SLC24A3: variants seen among roughly 807,000 people sequenced by gnomAD.
SLC24A3 encodes sodium/potassium/calcium exchanger 3.
In SLC24A3, 28 loss-of-function variants were observed where a neutral mutation model predicts 75.8. The ratio of observed to expected loss-of-function variants is 0.37; its 90% confidence interval spans 0.27 to 0.51. The LOEUF is 0.51. Among genes scored for constraint, SLC24A3 ranks in the 20% least tolerant of loss-of-function variants. SLC24A3 has a pLI of 0.94. For synonymous variants in SLC24A3, 372 were observed against 334.1 expected, an observed-to-expected ratio of 1.11 and a Z score of -1.24; for missense variants, 663 against 847.8, an observed-to-expected ratio of 0.78 and a Z score of 2.71.
Position 19,426,181 on chromosome 20 carries a change from A to G in SLC24A3, c.272-89307A>G, listed in dbSNP as rs573811287. 5.9e-5 allele frequency among the ~76,000 whole-genome samples: 9 copies of G among 152,268 alleles called. No homozygotes were observed. In the East Asian group the frequency reaches 1.4e-3, roughly 23 times the overall value. On this transcript the variant is annotated intron_variant, in intron 2 of 16. Coordinates refer to ENST00000328041, the MANE Select transcript of SLC24A3 (RefSeq NM_020689.4). ...ATTCTTCCTCACTTCCTCCCATTCC[A>G]TATCCCTACATTGGTTCTCAAATAT... is the stretch of plus-strand genomic sequence containing the variant.
chr20:19,505,498 A>G (rs6112425), intron 2 of SLC24A3, among the ~76,000 whole-genome samples: 2,763 of 152,320 alleles, frequency 0.018, 71 homozygotes, highest in African/African-American at 0.063. Context: ...CCCAGAAACA[A>G]ACTCAAGTAC....
At chr20:19,633,228 C>A (rs2031955735) in intron 6 of SLC24A3, among the ~76,000 whole-genome samples, 1 of 152,208 alleles carries the variant, frequency 6.6e-6, no homozygotes, top group Admixed American at 6.5e-5. Context: ...GAAGTTCAAG[C>A]TCAATGTATT....
chr20:19,270,824 G>C (rs1486099037), intron 1 of SLC24A3, among the ~76,000 whole-genome samples: 1 of 152,050 alleles, frequency 6.6e-6, no homozygotes, highest in Non-Finnish European at 1.5e-5. Context: ...GAGAGAGAGA[G>C]ATACTAGAAG....
intron 2 of SLC24A3, among the ~76,000 whole-genome samples, chr20:19,417,887 G>C (rs1370307892): frequency 6.6e-6 from 1 of 152,146 alleles, no homozygotes; most frequent in Non-Finnish European, 1.5e-5. Context: ...ACCCAGAAAT[G>C]AAAGCCAGAC....
chr20:19,583,569 C>T (rs1367282007), intron 4 of SLC24A3, among the ~76,000 whole-genome samples: 2 of 152,078 alleles, frequency 1.3e-5, no homozygotes, highest in Admixed American at 6.5e-5. Context: ...TAAGAAGATA[C>T]AGAGGAAGAA....
At position 19,346,097 on chromosome 20, in the gene SLC24A3, A is replaced by G. The variant is rs1568595609; in HGVS notation, c.271+65010A>G. Among the ~76,000 whole-genome samples the G allele has an allele frequency of 1.6e-3, 116 of 72,242 alleles. 27 individuals carry two copies. The highest frequency in any genetic ancestry group is 0.012 in the African/African-American group (108 of 8,926). 47.4% of individuals were successfully genotyped at this position (72,242 alleles called of 152,430 possible). ...TATATATATATATATATATATATAT[A>G]TATATATATATGGTGTGTGTGTGTG... On this transcript the variant is annotated intron_variant, in intron 2 of 16. Coordinates refer to ENST00000328041, the MANE Select transcript of SLC24A3 (RefSeq NM_020689.4).
intron 15 of SLC24A3, among the ~76,000 whole-genome samples, chr20:19,704,575 A>T (rs2122155411): frequency 6.6e-6 from 1 of 152,260 alleles, no homozygotes; most frequent in East Asian, 1.9e-4. Context: ...ACTTCAGAGG[A>T]CATCTGCCTT....
chr20:19,550,522 A>G (rs16980823), intron 3 of SLC24A3, among the ~76,000 whole-genome samples: 21,366 of 152,178 alleles, frequency 0.14, 1,675 homozygotes, highest in African/African-American at 0.21. Flanking sequence ...ACTAAATCAC[A>G]ATTAGAGAAA....
rs574304788 is a variant in SLC24A3 at position 19,263,283 on chromosome 20, C to T, written c.143-17676C>T. Among the ~76,000 whole-genome samples the T allele has an allele frequency of 4.6e-5, 7 of 152,174 alleles. No individual in the cohort carries two copies. In the South Asian group the frequency reaches 1.2e-3, roughly 27 times the overall value. On this transcript the variant is annotated intron_variant, in intron 1 of 16. Coordinates refer to ENST00000328041, the MANE Select transcript of SLC24A3 (RefSeq NM_020689.4). ...CTGGAGAGAAGGAAGCAGAAAGCCACGCAAAGAGCAAACTGTGAAGAATGA... is the reference window on the plus strand; with the variant it reads ...CTGGAGAGAAGGAAGCAGAAAGCCATGCAAAGAGCAAACTGTGAAGAATGA...
chr20:19,523,231 G>A (rs949190612), intron 3 of SLC24A3, among the ~76,000 whole-genome samples: 1 of 152,156 alleles, frequency 6.6e-6, no homozygotes, highest in South Asian at 2.1e-4. Context: ...AAACCAGGGG[G>A]GTTTGAAATT....
chr20:19,335,653 C>G (rs1213932246), intron 2 of SLC24A3, among the ~76,000 whole-genome samples: 2 of 152,208 alleles, frequency 1.3e-5, no homozygotes, highest in Admixed American at 6.5e-5. Flanking sequence ...TTTCCAGATT[C>G]AGTGTATTGA....
intron 15 of SLC24A3, among the ~76,000 whole-genome samples, chr20:19,710,368 C>T (rs189040682): frequency 2.6e-4 from 39 of 152,326 alleles, no homozygotes; most frequent in African/African-American, 9.4e-4. Flanking sequence ...GTATCTGTGT[C>T]TGCATCCGTA....
intron 2 of SLC24A3, among the ~76,000 whole-genome samples, chr20:19,484,775 G>T (rs1988105459): frequency 6.6e-6 from 1 of 152,140 alleles, no homozygotes; most frequent in African/African-American, 2.4e-5. Context: ...CAAACAACAT[G>T]AATATACTTT....
chr20:19,306,945 C>T (rs1984348173), intron 2 of SLC24A3, among the ~76,000 whole-genome samples: 1 of 152,188 alleles, frequency 6.6e-6, no homozygotes, highest in Non-Finnish European at 1.5e-5. Flanking sequence ...TAGAGGTTTA[C>T]GTTTCACTGA....
intron 2 of SLC24A3, among the ~76,000 whole-genome samples, chr20:19,459,335 C>T (rs142247860): frequency 6.6e-6 from 1 of 152,168 alleles, no homozygotes; most frequent in East Asian, 1.9e-4. Flanking sequence ...GCCTCTACCC[C>T]CCTTGCAATC....
rs1176181756 is a variant in SLC24A3 at position 19,698,609 on chromosome 20, G to A, written c.1648G>A (p.Val550Met). The A allele has an allele frequency of 3.8e-6, 6 of 1,595,606 alleles. No individual in the cohort carries two copies. The highest frequency in any genetic ancestry group is 1.3e-5 in the African/African-American group (1 of 74,820). ...TGTGTCCAACTCCATTGGGAGCAACGTGTTTGACATCCTGATTGGCCTCGG... is the reference window on the plus strand; with the variant it reads ...TGTGTCCAACTCCATTGGGAGCAACATGTTTGACATCCTGATTGGCCTCGG... ...MAVSNSIGSN[V>M]FDILIGLGLP... The change falls in exon 15 of 17, where the codon GTG (valine) becomes ATG (methionine). Residue 550 changes from valine (V) to methionine (M), a missense_variant. Transcript: ENST00000328041.
intron 3 of SLC24A3, among the ~76,000 whole-genome samples, chr20:19,556,759 A>G (rs2030793831): frequency 6.6e-6 from 1 of 152,154 alleles, no homozygotes; most frequent in East Asian, 1.9e-4. Flanking sequence ...CACAGACAGG[A>G]CTGTGCCACA....
intron 12 of SLC24A3, among the ~76,000 whole-genome samples, chr20:19,690,121 A>T (rs1220915247): frequency 6.6e-6 from 1 of 151,508 alleles, no homozygotes; most frequent in Non-Finnish European, 1.5e-5. Flanking sequence ...AATCATTTTT[A>T]AAAAACACCT....
At position 19,585,071 on chromosome 20, in the gene SLC24A3, AGG is replaced by A. The variant is rs1177465971; in HGVS notation, c.508+18_508+19del. The A allele has an allele frequency of 1.9e-6, 3 of 1,603,868 alleles. No homozygotes were observed. The East Asian group carries it at 6.7e-5, about 36-fold the overall frequency. ...TCGGTCATAGGTAGGTGACAGACTG[AGG>A]GACATCTCAGACCTTCACTGTCTGA... On this transcript the variant is annotated intron_variant, in intron 5 of 16. Transcript: ENST00000328041.
Sources: allele counts gnomAD v4.1 joint callset (sites outside exome capture counted in the v4.1 genomes callset), GRCh38; gene constraint gnomAD v4.1.1; transcripts MANE v1.5; gene names NCBI Gene and HGNC (gene_info 2026-07-23, HGNC 2026-07-21).